Variants in CHRNA7 observed in about 807,000 individuals in gnomAD.
The protein encoded by CHRNA7 is cholinergic receptor nicotinic alpha 7 subunit.
A neutral mutation model predicts 48.0 loss-of-function variants in CHRNA7; 17 were observed. That is an observed-to-expected ratio of 0.35 (90% CI 0.24 to 0.53). CHRNA7 has a LOEUF of 0.53. Among genes scored for constraint, CHRNA7 ranks in the 20% least tolerant of loss-of-function variants. The probability of loss-of-function intolerance (pLI) is 0.92; values close to 1 mark genes in which losing one functional copy is unlikely to be tolerated. For synonymous variants in CHRNA7, 75 were observed against 242.3 expected (o/e 0.31, Z 6.41); for missense variants, 155 against 577.7 (o/e 0.27, Z 7.50).
chr15:32,105,457 G>GGA (rs777603857), intron 3 of CHRNA7, among the ~76,000 whole-genome samples: 1 of 149,654 alleles, frequency 6.7e-6, no homozygotes, highest in South Asian at 2.1e-4. Context: ...AGGAGGAAGA[G>GGA]GAGGAGGAAG....
chr15:32,151,240 G>A (rs2051622140), intron 4 of CHRNA7, among the ~76,000 whole-genome samples: 1 of 151,978 alleles, frequency 6.6e-6, no homozygotes, highest in Non-Finnish European at 1.5e-5. Flanking sequence ...GAACCCATTT[G>A]GTTCTGTCCT....
At position 32,082,365 on chromosome 15, in the gene CHRNA7, AC is replaced by A. The variant is rs531907743; in HGVS notation, c.196-18937del. Among the ~76,000 whole-genome samples, 3 of 133,960 alleles carry A rather than the reference AC, an allele frequency of 2.2e-5. No individual in the cohort carries two copies. The South Asian group carries it at 7.2e-4, about 32-fold the overall frequency. The allele number at this position is 133,960 out of a possible 152,430, so 87.9% of individuals were successfully genotyped here. A position where few individuals can be genotyped will look rare whatever the true frequency, so the allele number is the denominator to read the frequency against. On this transcript the variant is annotated intron_variant, in intron 2 of 9. Transcript: ENST00000306901. ...TTTTTTTTGTAGTCCCATAAGTCTG[AC>A]TTTTTTTTCAGTTTATTTTACCTTT...
chr15:32,108,545 C>T (rs541897708), intron 3 of CHRNA7, among the ~76,000 whole-genome samples: 1 of 152,284 alleles, frequency 6.6e-6, no homozygotes, highest in Admixed American at 6.5e-5. Flanking sequence ...TATTCCATAT[C>T]CATTCTTGGG....
chr15:32,149,159 C>T lies in CHRNA7; in HGVS notation c.351-4748C>T, dbSNP rs2051562486. 1.3e-5 allele frequency among the ~76,000 whole-genome samples: 2 copies of T among 152,244 alleles called. No homozygotes were observed. Among genetic ancestry groups the T allele is most frequent in the Non-Finnish European group, 1.5e-5 (1 of 68,046 alleles). ...GGCATCTTCACAAACTGTGGATGTACTGTGTCTTCCAGTAGTCAAAATAAA... is the reference window on the plus strand; with the variant it reads ...GGCATCTTCACAAACTGTGGATGTATTGTGTCTTCCAGTAGTCAAAATAAA... On this transcript the variant is annotated intron_variant, in intron 4 of 9. Transcript: ENST00000306901. The surrounding 1 kb of genome is among the most constrained non-coding windows in gnomAD (Gnocchi z 4.6).
intron 4 of CHRNA7, among the ~76,000 whole-genome samples, chr15:32,136,314 A>G (rs978557350): frequency 6.6e-6 from 1 of 151,986 alleles, no homozygotes; most frequent in African/African-American, 2.4e-5. Context: ...AACATGGTGA[A>G]ACCCCATCTC....
At chr15:32,032,216 A>G (rs180855072) in intron 2 of CHRNA7, among the ~76,000 whole-genome samples, 3 of 152,298 alleles carry the variant, frequency 2.0e-5, no homozygotes, top group Admixed American at 2.0e-4. Flanking sequence ...TTGAATGTAT[A>G]TGTGATGATG....
At chr15:32,060,316 A>G (rs1167999809) in intron 2 of CHRNA7, among the ~76,000 whole-genome samples, 2 of 152,198 alleles carry the variant, frequency 1.3e-5, no homozygotes, top group Admixed American at 6.5e-5. Context: ...ATCTATTTAT[A>G]TGTATACCTG....
intron 4 of CHRNA7, among the ~76,000 whole-genome samples, chr15:32,115,657 C>A (rs2141288026): frequency 6.6e-6 from 1 of 152,234 alleles, no homozygotes; most frequent in African/African-American, 2.4e-5. Context: ...ACACCCTCAC[C>A]CCTGCCAAGT....
intron 4 of CHRNA7, among the ~76,000 whole-genome samples, chr15:32,139,583 T>TG (rs2051338898): frequency 6.7e-6 from 1 of 150,012 alleles, no homozygotes; most frequent in South Asian, 2.1e-4. Flanking sequence ...GTGTCTCAGT[T>TG]TTTTTTTTTT....
chr15:32,148,132 A>C (rs1486327103), intron 4 of CHRNA7, among the ~76,000 whole-genome samples: 1 of 152,162 alleles, frequency 6.6e-6, no homozygotes, highest in Non-Finnish European at 1.5e-5. Flanking sequence ...AGACCTTACT[A>C]TTTAGGGTCA....
intron 2 of CHRNA7, among the ~76,000 whole-genome samples, chr15:32,035,019 A>G (rs1288983136): frequency 6.6e-6 from 1 of 152,178 alleles, no homozygotes; most frequent in Non-Finnish European, 1.5e-5. Context: ...GATTTAAGAG[A>G]TGTTTTGGAT....
intron 4 of CHRNA7, among the ~76,000 whole-genome samples, chr15:32,146,069 C>G (rs1220197328): frequency 6.6e-6 from 1 of 152,134 alleles, no homozygotes; most frequent in Non-Finnish European, 1.5e-5. Context: ...ATGTATAAGT[C>G]TTAACTAAAA....
intron 4 of CHRNA7, among the ~76,000 whole-genome samples, chr15:32,122,367 A>G (rs1349923028): frequency 6.6e-6 from 1 of 152,176 alleles, no homozygotes; most frequent in Non-Finnish European, 1.5e-5. Context: ...CCGAGAAGCA[A>G]ATTAGTCTAG....
intron 4 of CHRNA7, among the ~76,000 whole-genome samples, chr15:32,113,905 C>T (rs1405841612): frequency 6.6e-6 from 1 of 151,130 alleles, no homozygotes; most frequent in Admixed American, 6.6e-5. Flanking sequence ...TGACCTGCAC[C>T]TGTAGTGCCA....
In CHRNA7 at chr15:32,112,444, T is replaced by C. The variant is rs915818922; in HGVS notation, c.350+545T>C. ...TATACCTGATTTCTAATAGTCTTTC[T>C]CCTGAGGTCAGGAAATAAGGGACAC... On this transcript the variant is annotated intron_variant, in intron 4 of 9. Transcript: ENST00000306901. The C allele has an allele frequency of 1.0e-4, 45 of 431,864 alleles. 2 individuals carry two copies. The highest frequency in any genetic ancestry group is 7.1e-4 in the South Asian group (43 of 60,374). 26.8% of individuals were successfully genotyped at this position (431,864 alleles called of 1,614,324 possible).
chr15:32,092,002 G>A (rs1044164956), intron 2 of CHRNA7, among the ~76,000 whole-genome samples: 3 of 151,992 alleles, frequency 2.0e-5, no homozygotes, highest in Admixed American at 6.6e-5. Flanking sequence ...GTATTATCCT[G>A]GCATACTTAA....
At chr15:32,068,704 C>T (rs1258211347) in intron 2 of CHRNA7, among the ~76,000 whole-genome samples, 2 of 149,940 alleles carry the variant, frequency 1.3e-5, no homozygotes, top group African/African-American at 4.9e-5. Flanking sequence ...GCCTGGGTGG[C>T]AGAGCAAGAC....
intron 3 of CHRNA7, among the ~76,000 whole-genome samples, chr15:32,105,530 G>C (rs1387689514): frequency 1.3e-5 from 2 of 151,930 alleles, no homozygotes; most frequent in African/African-American, 4.8e-5. Context: ...GAAAAGAGGA[G>C]GAGGAGGAAA....
chr15:32,073,762 T>C (rs2050093752), intron 2 of CHRNA7, among the ~76,000 whole-genome samples: 1 of 152,082 alleles, frequency 6.6e-6, no homozygotes, highest in African/African-American at 2.4e-5. Flanking sequence ...TTGCTCCCTC[T>C]TTTGCCATAT....
Sources: allele counts gnomAD v4.1 joint callset (sites outside exome capture counted in the v4.1 genomes callset), GRCh38; gene constraint gnomAD v4.1.1; non-coding constraint Gnocchi (gnomAD v3.1); transcripts MANE v1.5; gene names NCBI Gene and HGNC (gene_info 2026-07-23, HGNC 2026-07-21).